CYB5R2: variants seen among roughly 807,000 people sequenced by gnomAD.
The protein encoded by CYB5R2 is cytochrome b5 reductase 2, also known as NADH-cytochrome b5 reductase 2.
Under a neutral mutation model 29.8 loss-of-function variants are expected in CYB5R2, and 35 were observed. That is an observed-to-expected ratio of 1.17 (90% CI 0.90 to 1.56). CYB5R2 has a LOEUF of 1.56. Ranked by LOEUF, CYB5R2 falls within the 40% of genes most tolerant of loss-of-function variation. CYB5R2 has a pLI of 0.00. For synonymous variants in CYB5R2, 169 were observed against 130.6 expected (o/e 1.29, Z -2.01); for missense variants, 419 against 346.7 (o/e 1.21, Z -1.66).
intron 3 of CYB5R2, 79 bp from the exon 4 acceptor site, chr11:7,669,810 T>C (rs1855615632): frequency 2.9e-6 from 3 of 1,042,170 alleles, no homozygotes; most frequent in Non-Finnish European, 4.5e-6. Flanking sequence ...TGAGCTTCAG[T>C]GAAGGGAGCA....
chr11:7,669,513 A>T (rs1855589356), intron 4 of CYB5R2, 112 bp downstream of exon 4: 2 of 1,205,978 alleles, frequency 1.7e-6, no homozygotes, highest in South Asian at 1.5e-5. Context: ...CACTGCTGGA[A>T]AGCCCTGCCT....
Position 7,672,458 on chromosome 11 carries a change from A to T in CYB5R2, c.144T>A (p.Leu48=), listed in dbSNP as rs151216178. Reference sequence around the variant, plus strand: ...GACCCAAGCCCGGCTCACCTACAGGAAGCCCTAAGACATGGTCCGGCGAAG... The same window carrying T: ...GACCCAAGCCCGGCTCACCTACAGGTAGCCCTAAGACATGGTCCGGCGAAG... ...GLPSPDHVLG[L]PVGNYVQLLA... is the part of the protein sequence containing the mutation. The change falls in exon 3 of 9, where the codon CTT becomes CTA. Residue 48 remains leucine (L), a synonymous_variant. Transcript: ENST00000299498. The T allele has an allele frequency of 1.5e-4, 237 of 1,614,098 alleles. No homozygotes were observed. In the African/African-American group the frequency reaches 2.6e-3, roughly 18 times the overall value.
chr11:7,666,327 C>T (rs1855212399), intron 8 of CYB5R2, 124 bp downstream of exon 8: 1 of 662,670 alleles, frequency 1.5e-6, no homozygotes, highest in Non-Finnish European at 2.7e-6. Context: ...GAGCCAGAGC[C>T]CCAGGCTTAA....
chr11:7,674,138 C>G, upstream of CYB5R2: 2 of 1,221,206 alleles, frequency 1.6e-6, no homozygotes, highest in South Asian at 2.9e-5. Flanking sequence ...TGGAGAAGGC[C>G]GTCTGGGTGA....
chr11:7,667,340 A>C (rs1855352383), intron 7 of CYB5R2: 1 of 152,272 alleles, frequency 6.6e-6, no homozygotes, highest in Admixed American at 6.5e-5. Context: ...AGTGAAAAAA[A>C]AAAAGCATAT....
At chr11:7,666,772 G>A (rs1027864333) in intron 7 of CYB5R2, 1 of 433,614 alleles carries the variant, frequency 2.3e-6, no homozygotes, top group Non-Finnish European at 4.2e-6. Context: ...ACCTCCATGG[G>A]ATGTAGGTTC....
At chr11:7,670,743 C>G (rs1399255903) in intron 3 of CYB5R2, 2 of 152,162 alleles carry the variant, frequency 1.3e-5, no homozygotes, top group African/African-American at 4.8e-5. Context: ...CCTGTTGGAT[C>G]CAAAATGTGA....
chr11:7,669,082 G>GTGAA, intron 5 of CYB5R2, 123 bp downstream of exon 5: 1 of 1,171,190 alleles, frequency 8.5e-7, no homozygotes, highest in Non-Finnish European at 1.3e-6. Flanking sequence ...TGCATTGTGT[G>GTGAA]TGAATGAATG....
At chr11:7,671,499 C>T (rs1122643) in intron 3 of CYB5R2, 11,313 of 152,328 alleles carry the variant, frequency 0.074, 1,236 homozygotes, top group African/African-American at 0.24. Flanking sequence ...TTTTAGGCTT[C>T]CTGCCAACAG....
chr11:7,672,696 A>G, intron 2 of CYB5R2, 52 bp downstream of exon 2: 1 of 1,608,936 alleles, frequency 6.2e-7, no homozygotes, highest in Non-Finnish European at 8.5e-7. Context: ...ATGCCCTGCC[A>G]TCCCAGCCAT....
At position 7,667,719 on chromosome 11, in the gene CYB5R2, G is replaced by T; in HGVS notation, c.558+9C>A. On this transcript the variant is annotated intron_variant, in intron 7 of 8. Coordinates refer to ENST00000299498, the MANE Select transcript of CYB5R2 (RefSeq NM_016229.5). ...CCATCCTACCACTGCAAGCTCAGCA[G>T]GAACTGACCTGGTTGGCAAAGATGA... 1.9e-6 allele frequency: 3 copies of T among 1,611,048 alleles called. No individual in the cohort carries two copies. Among genetic ancestry groups the T allele is most frequent in the Non-Finnish European group, 2.5e-6 (3 of 1,177,120 alleles).
At chr11:7,666,622 C>T (rs1855259030) in intron 7 of CYB5R2, 72 bp from the exon 8 acceptor site, 2 of 1,118,022 alleles carry the variant, frequency 1.8e-6, no homozygotes, top group Admixed American at 2.0e-5. Context: ...CTACACCGGT[C>T]AGCATACTCC....
intron 7 of CYB5R2, 70 bp downstream of exon 7, chr11:7,667,658 G>A: frequency 7.2e-7 from 1 of 1,396,502 alleles, no homozygotes; most frequent in Non-Finnish European, 1.0e-6. Context: ...GTCAATGCAG[G>A]AGAAATGAAA....
In CYB5R2 at chr11:7,669,296, A is replaced by C; in HGVS notation, c.297T>G (p.Gly99=). The stretch of plus-strand genomic sequence containing the variant: ...TCTCCAAATACTGAGTCATCTTCCC[A>C]CCTTCAGGATATTGGGGGTGTACAT... ...FKNVHPQYPE[G]GKMTQYLENM... is the part of the protein sequence containing the mutation. Residue 99 remains glycine (G), a synonymous_variant, in exon 5 of 9, where the codon GGT becomes GGG. Coordinates refer to ENST00000299498, the MANE Select transcript of CYB5R2 (RefSeq NM_016229.5). 1 of 1,614,012 alleles carries C rather than the reference A, an allele frequency of 6.2e-7. No homozygotes were observed. The highest frequency in any genetic ancestry group is 8.5e-7 in the Non-Finnish European group (1 of 1,179,950).
intron 3 of CYB5R2, 34 bp downstream of exon 3, chr11:7,672,417 C>T (rs1489395362): frequency 6.3e-7 from 1 of 1,593,998 alleles, no homozygotes; most frequent in Admixed American, 1.7e-5. Flanking sequence ...CCCCCAGAGG[C>T]CCCAGTCCTG....
upstream of CYB5R2, chr11:7,673,845 G>C (rs1346482720): frequency 7.1e-6 from 7 of 987,990 alleles, no homozygotes; most frequent in Non-Finnish European, 8.4e-6. Context: ...CCGAGACCCG[G>C]ACACGCACGC....
Position 7,669,336 on chromosome 11 carries a change from T to G in CYB5R2, c.259-2A>C. 1 of 1,608,770 alleles carries G rather than the reference T, an allele frequency of 6.2e-7. No homozygotes were observed. The highest frequency in any genetic ancestry group is 1.1e-5 in the South Asian group (1 of 90,216). The stretch of plus-strand genomic sequence containing the variant: ...GGGGTGTACATTTTTGAAGTAGATC[T>G]GAAAAGCAAGGCAGCACTGCTTTCA... On this transcript the variant is annotated splice_acceptor_variant, in intron 4 of 8. Transcript: ENST00000299498. LOFTEE classifies it high-confidence loss of function.
intron 4 of CYB5R2, 46 bp downstream of exon 4, chr11:7,669,579 T>C (rs1855595130): frequency 6.8e-7 from 1 of 1,467,756 alleles, no homozygotes; most frequent in African/African-American, 1.4e-5. Flanking sequence ...CCACCCTCAG[T>C]AGGCTTGGAA....
Position 7,665,168 on chromosome 11 carries a change from G to T in CYB5R2, c.*206C>A. 1 of 462,408 alleles carries T rather than the reference G, an allele frequency of 2.2e-6. No homozygotes were observed. Among genetic ancestry groups the T allele is most frequent in the Non-Finnish European group, 3.8e-6 (1 of 263,184 alleles). The allele number at this position is 462,408 out of a possible 1,614,324, so 28.6% of individuals were successfully genotyped here. A position where few individuals can be genotyped will look rare whatever the true frequency, so the allele number is the denominator to read the frequency against. On this transcript the variant is annotated 3_prime_UTR_variant, in exon 9 of 9. Coordinates refer to ENST00000299498, the MANE Select transcript of CYB5R2 (RefSeq NM_016229.5). Reference sequence around the variant, plus strand: ...AGATACTGAAATGGAGCTCTTTCCAGCCTCCAAGCAAGGAGGCCCCAGCAG... The same window carrying T: ...AGATACTGAAATGGAGCTCTTTCCATCCTCCAAGCAAGGAGGCCCCAGCAG...
Sources: gnomAD v4.1 joint callset for allele counts on GRCh38, gnomAD v4.1.1 for gene constraint, MANE v1.5 for transcripts, NCBI Gene and HGNC (gene_info 2026-07-23, HGNC 2026-07-21) for gene names.